The following POU2F1 variants were observed in gnomAD, a reference collection of about 807,000 sequenced individuals.
POU2F1 encodes the protein POU class 2 homeobox 1.
In POU2F1, 16 loss-of-function variants were observed where a neutral mutation model predicts 84.9. The observed-to-expected ratio is 0.19, with a 90% CI of 0.13 to 0.29. The LOEUF is 0.29. POU2F1 is among the 10% of genes least tolerant of loss of function. POU2F1 has a pLI of 1.00. For synonymous variants in POU2F1, 368 were observed against 368.3 expected, an observed-to-expected ratio of 1.00 and a Z score of 0.01; for missense variants, 738 against 942.6, an observed-to-expected ratio of 0.78 and a Z score of 2.84.
chr1:167,225,387 G>A (rs982555085), intron 1 of POU2F1, among the ~76,000 whole-genome samples: 5 of 152,174 alleles, frequency 3.3e-5, no homozygotes. Context: ...ATGAATTCAG[G>A]TGTAGTGTTC....
intron 11 of POU2F1, among the ~76,000 whole-genome samples, chr1:167,398,643 TA>T (rs1648979889): frequency 6.6e-6 from 1 of 152,226 alleles, no homozygotes; most frequent in East Asian, 1.9e-4. Context: ...ATTTGGCAAT[TA>T]TTTTTTTGTA....
At chr1:167,238,946 C>T (rs1179040113) in intron 1 of POU2F1, among the ~76,000 whole-genome samples, 2 of 152,116 alleles carry the variant, frequency 1.3e-5, no homozygotes, top group East Asian at 1.9e-4. Context: ...CAGGGCACAT[C>T]CTGAAAAGTT....
chr1:167,286,479 A>G (rs1653539186), intron 1 of POU2F1, among the ~76,000 whole-genome samples: 1 of 152,204 alleles, frequency 6.6e-6, no homozygotes. Flanking sequence ...AGTGAAAACC[A>G]TGTCACTGCC....
At chr1:167,340,334 C>G (rs1657752105) in intron 2 of POU2F1, among the ~76,000 whole-genome samples, 1 of 152,150 alleles carries the variant, frequency 6.6e-6, no homozygotes, top group South Asian at 2.1e-4. Flanking sequence ...CCCACCTTGG[C>G]TTCCCAAAGT....
chr1:167,276,344 C>T (rs1484453520), intron 1 of POU2F1, among the ~76,000 whole-genome samples: 1 of 152,036 alleles, frequency 6.6e-6, no homozygotes, highest in African/African-American at 2.4e-5. Flanking sequence ...TTATAGTGGT[C>T]CCAAGGTGCA....
chr1:167,227,405 T>C (rs1648720946), intron 1 of POU2F1, among the ~76,000 whole-genome samples: 1 of 152,146 alleles, frequency 6.6e-6, no homozygotes, highest in Admixed American at 6.5e-5. Context: ...CAGGAATGGC[T>C]GGAAAATGAA....
chr1:167,343,455 A>C (rs183648303), intron 2 of POU2F1, among the ~76,000 whole-genome samples: 1 of 152,010 alleles, frequency 6.6e-6, no homozygotes, highest in Admixed American at 6.5e-5. Flanking sequence ...ATTTCATGTT[A>C]CTTTTTTCAT....
intron 1 of POU2F1, among the ~76,000 whole-genome samples, chr1:167,268,550 T>C (rs959369327): frequency 5.3e-5 from 8 of 152,160 alleles, no homozygotes; most frequent in Non-Finnish European, 8.8e-5. Context: ...TGACCAAAAG[T>C]GCACCCTACA....
Position 167,419,114 on chromosome 1 carries a change from A to G in POU2F1, c.*3304A>G, listed in dbSNP as rs1206993133. On this transcript the variant is annotated 3_prime_UTR_variant, in exon 16 of 16. Transcript: ENST00000367866. Reference sequence around the variant, plus strand: ...TAGTCATTTTTTACTTTACGTATATATTTTTTTATCATCTCAAGAAATGCA... The same window carrying G: ...TAGTCATTTTTTACTTTACGTATATGTTTTTTTATCATCTCAAGAAATGCA... 1.3e-5 allele frequency: 2 copies of G among 152,004 alleles called. No homozygotes were observed. The highest frequency in any genetic ancestry group is 2.9e-5 in the Non-Finnish European group (2 of 67,982). The allele number at this position is 152,004 out of a possible 1,614,324, so 9.4% of individuals were successfully genotyped here.
chr1:167,222,060 C>G (rs879330182), intron 1 of POU2F1, among the ~76,000 whole-genome samples: 13 of 152,126 alleles, frequency 8.5e-5, no homozygotes, highest in African/African-American at 1.2e-4. Context: ...GACCGGGACG[C>G]ACGGGGCGGG....
chr1:167,263,380 C>T (rs545185593), intron 1 of POU2F1, among the ~76,000 whole-genome samples: 2 of 151,846 alleles, frequency 1.3e-5, no homozygotes, highest in South Asian at 2.1e-4. Flanking sequence ...ATTAGCCGGG[C>T]GTGGTAGCAT....
intron 1 of POU2F1, among the ~76,000 whole-genome samples, chr1:167,286,677 G>A (rs1393063331): frequency 6.6e-6 from 1 of 152,178 alleles, no homozygotes; most frequent in African/African-American, 2.4e-5. Flanking sequence ...CAGTGACAAG[G>A]TGGAGTAAAA....
Position 167,295,981 on chromosome 1 carries a change from T to C in POU2F1, c.62-36489T>C, listed in dbSNP as rs188753243. 2.0e-3 allele frequency among the ~76,000 whole-genome samples: 302 copies of C among 152,268 alleles called. 1 individual carries two copies. Among genetic ancestry groups the C allele is most frequent in the African/African-American group, 7.0e-3 (290 of 41,558 alleles). On this transcript the variant is annotated intron_variant, in intron 1 of 15. Coordinates refer to ENST00000367866, the MANE Select transcript of POU2F1 (RefSeq NM_002697.4). The stretch of plus-strand genomic sequence containing the variant: ...TAGTAACTGCTTTAATATGTAAAAA[T>C]CTTTAAAATTTTTATTTGGTCTAAA...
At chr1:167,266,457 CAT>C (rs1651960965) in intron 1 of POU2F1, among the ~76,000 whole-genome samples, 1 of 151,958 alleles carries the variant, frequency 6.6e-6, no homozygotes, top group Non-Finnish European at 1.5e-5. Context: ...TTAAGTGTGT[CAT>C]AATCTCAATT....
chr1:167,359,974 T>C (rs533776991), intron 2 of POU2F1, among the ~76,000 whole-genome samples: 3 of 152,218 alleles, frequency 2.0e-5, no homozygotes, highest in South Asian at 4.1e-4. Context: ...TTGACTTGCT[T>C]GTATGTCTTC....
intron 7 of POU2F1, among the ~76,000 whole-genome samples, chr1:167,381,598 CTTCTCTT>C (rs1203321620): frequency 7.2e-6 from 1 of 138,052 alleles, no homozygotes; most frequent in Non-Finnish European, 1.5e-5. Context: ...TTTGTGCTCT[CTTCTCTT>C]TTTTTTTTTT....
intron 1 of POU2F1, among the ~76,000 whole-genome samples, chr1:167,228,563 A>G (rs1423528893): frequency 6.6e-6 from 1 of 152,194 alleles, no homozygotes; most frequent in Non-Finnish European, 1.5e-5. Context: ...TTTTAGTCTT[A>G]TGGACACTGA....
At chr1:167,251,512 G>A (rs1650724266) in intron 1 of POU2F1, among the ~76,000 whole-genome samples, 1 of 152,186 alleles carries the variant, frequency 6.6e-6, no homozygotes, top group South Asian at 2.1e-4. Flanking sequence ...GTAGAGTATG[G>A]AGGGAAATAT....
In POU2F1 at chr1:167,323,982, C is replaced by T. The variant is rs147988653; in HGVS notation, c.62-8488C>T. Among the ~76,000 whole-genome samples, 198 of 152,116 alleles carry T rather than the reference C, an allele frequency of 1.3e-3. 6 individuals carry two copies. In the South Asian group the frequency reaches 0.04, roughly 31 times the overall value. ...TGTTGGGATTACAGGCATTAGTCAC[C>T]GCACCCAGCCTAATTACACAATTTA... On this transcript the variant is annotated intron_variant, in intron 1 of 15. Coordinates refer to ENST00000367866, the MANE Select transcript of POU2F1 (RefSeq NM_002697.4).
Sources: gnomAD v4.1 joint callset for allele counts (sites outside exome capture counted in the v4.1 genomes callset) on GRCh38, gnomAD v4.1.1 for gene constraint, MANE v1.5 for transcripts, NCBI Gene and HGNC (gene_info 2026-07-23, HGNC 2026-07-21) for gene names.